Variants in RMDN2 observed in about 807,000 individuals in gnomAD.
RMDN2 encodes the protein regulator of microtubule dynamics 2.
A neutral mutation model predicts 52.8 loss-of-function variants in RMDN2; 61 were observed. That is an observed-to-expected ratio of 1.16 (90% CI 0.94 to 1.43). RMDN2 has a LOEUF of 1.43. Among genes scored for constraint, RMDN2 ranks in the 40% most tolerant of loss-of-function variants. The pLI, the probability that RMDN2 is intolerant of heterozygous loss-of-function variation, is 0.00. For missense variants in RMDN2, 592 were observed against 475.3 expected, an observed-to-expected ratio of 1.25 and a Z score of -2.28; for synonymous variants, 180 against 153.1, an observed-to-expected ratio of 1.18 and a Z score of -1.30.
chr2:38,031,206 T>C (rs113167056), intron 10 of RMDN2, among the ~76,000 whole-genome samples: 1 of 151,884 alleles, frequency 6.6e-6, no homozygotes, highest in African/African-American at 2.4e-5. Context: ...TTGCACATGA[T>C]GTTGGCCATT....
intron 2 of RMDN2, among the ~76,000 whole-genome samples, chr2:37,955,900 C>T (rs928704034): frequency 2.6e-5 from 4 of 152,148 alleles, no homozygotes; most frequent in Non-Finnish European, 5.9e-5. Context: ...GGAATAAATT[C>T]CATCTGGTTG....
chr2:38,016,873 A>G (rs1254821455), intron 10 of RMDN2, among the ~76,000 whole-genome samples: 2 of 152,196 alleles, frequency 1.3e-5, no homozygotes, highest in African/African-American at 2.4e-5. Flanking sequence ...AAGGAATTCA[A>G]TGAAATAAAC....
intron 2 of RMDN2, among the ~76,000 whole-genome samples, chr2:37,942,189 GC>G (rs1462837168): frequency 2.0e-5 from 3 of 152,130 alleles, no homozygotes; most frequent in Non-Finnish European, 4.4e-5. Context: ...CCTGGGTGAG[GC>G]GAAATCCCAC....
intron 4 of RMDN2, among the ~76,000 whole-genome samples, chr2:37,980,628 A>T (rs1673183318): frequency 1.3e-5 from 2 of 152,158 alleles, no homozygotes; most frequent in Non-Finnish European, 2.9e-5. Flanking sequence ...ACATGGTTAA[A>T]AATTCCTCTA....
chr2:37,964,590 G>C, intron 2 of RMDN2, among the ~76,000 whole-genome samples: 1 of 151,890 alleles, frequency 6.6e-6, no homozygotes, highest in Non-Finnish European at 1.5e-5. Flanking sequence ...GACTTATTTC[G>C]TGGCCTAATA....
At chr2:37,959,962 G>T (rs538751781) in intron 2 of RMDN2, among the ~76,000 whole-genome samples, 1 of 149,684 alleles carries the variant, frequency 6.7e-6, no homozygotes, top group Non-Finnish European at 1.5e-5. Flanking sequence ...AGTTTTGAGT[G>T]AGTTTCTTAA....
intron 10 of RMDN2, among the ~76,000 whole-genome samples, chr2:38,045,727 C>A (rs963782747): frequency 6.6e-6 from 1 of 152,204 alleles, no homozygotes; most frequent in Non-Finnish European, 1.5e-5. Context: ...CCTGGAGCTG[C>A]TCCCAGCTCT....
rs1666173937 is a variant in RMDN2 at position 37,925,329 on chromosome 2, CCCGCGGG to C, written c.-111_-105del. 6.6e-6 allele frequency: 1 copy of C among 152,248 alleles called. No individual in the cohort carries two copies. The highest frequency in any genetic ancestry group is 2.4e-5 in the African/African-American group (1 of 41,460). The allele number at this position is 152,248 out of a possible 1,614,324, so 9.4% of individuals were successfully genotyped here. A position where few individuals can be genotyped will look rare whatever the true frequency, so the allele number is the denominator to read the frequency against. On this transcript the variant is annotated 5_prime_UTR_variant, in exon 1 of 11. Transcript: ENST00000354545. ...ACGGCCGCGGCGCGGGACCTTAGGACCCGCGGGCTCCAGGGCTACTGTCCGTCCGCCA... is the reference window on the plus strand; with the variant it reads ...ACGGCCGCGGCGCGGGACCTTAGGACCTCCAGGGCTACTGTCCGTCCGCCA...
intron 10 of RMDN2, among the ~76,000 whole-genome samples, chr2:38,025,756 A>G (rs1289189236): frequency 1.3e-5 from 2 of 152,078 alleles, no homozygotes; most frequent in African/African-American, 4.8e-5. Flanking sequence ...ATGATGAATT[A>G]TATTTGAATT....
chr2:37,983,095 C>T (rs1050490610), intron 5 of RMDN2, among the ~76,000 whole-genome samples: 16 of 152,048 alleles, frequency 1.1e-4, no homozygotes, highest in Admixed American at 5.9e-4. Context: ...TCTCTTCTTT[C>T]TCTCCCTCGT....
chr2:37,955,291 C>T (rs1447733509), intron 2 of RMDN2, among the ~76,000 whole-genome samples: 1 of 152,096 alleles, frequency 6.6e-6, no homozygotes, highest in African/African-American at 2.4e-5. Flanking sequence ...AGAGAGCTTT[C>T]AGCCTTTCAC....
chr2:37,989,728 C>A, intron 6 of RMDN2, 112 bp downstream of exon 6: 1 of 641,476 alleles, frequency 1.6e-6, no homozygotes. Flanking sequence ...TGGGTATAAA[C>A]CAGATTATTC....
intron 2 of RMDN2, chr2:37,951,295 C>G (rs565578847): frequency 6.2e-6 from 10 of 1,612,276 alleles, no homozygotes; most frequent in South Asian, 1.1e-5. Flanking sequence ...AGTACAGACG[C>G]CCAGCATCGT....
chr2:38,002,979 C>G (rs1356663665), intron 8 of RMDN2: 1 of 152,194 alleles, frequency 6.6e-6, no homozygotes, highest in East Asian at 1.9e-4. Context: ...TGTCTAGTGA[C>G]AATACCATAC....
At chr2:37,975,547 G>C (rs1672357097) in intron 4 of RMDN2, among the ~76,000 whole-genome samples, 1 of 152,140 alleles carries the variant, frequency 6.6e-6, no homozygotes, top group Non-Finnish European at 1.5e-5. Flanking sequence ...TCACACAACA[G>C]GGCCTGTCTT....
Position 37,980,327 on chromosome 2 carries a change from A to G in RMDN2, c.731-956A>G, listed in dbSNP as rs556367663. On this transcript the variant is annotated intron_variant, in intron 4 of 10. Transcript: ENST00000354545. ...TTTTTGGTTTTTTTTTATTTGAGAC[A>G]GAGTCTCGCTCTGTCCCCCAGGCTG... Among the ~76,000 whole-genome samples, 412 of 152,200 alleles carry G rather than the reference A, an allele frequency of 2.7e-3. 3 individuals carry two copies. Among genetic ancestry groups the G allele is most frequent in the Non-Finnish European group, 4.8e-3 (323 of 67,998 alleles).
chr2:37,963,313 GTTTCT>G (rs1670519981), intron 2 of RMDN2: 2 of 72,168 alleles, frequency 2.8e-5, no homozygotes, highest in African/African-American at 1.0e-4. Flanking sequence ...ATACACGTGA[GTTTCT>G]TTTTTTTTTT....
intron 8 of RMDN2, among the ~76,000 whole-genome samples, chr2:38,003,604 G>GGCAGA (rs1306774545): frequency 1.4e-4 from 14 of 103,244 alleles, no homozygotes; most frequent in East Asian, 3.2e-4. Context: ...AGATAGATAG[G>GGCAGA]CAGACAGACA....
intron 10 of RMDN2, among the ~76,000 whole-genome samples, chr2:38,035,523 A>C (rs1168383343): frequency 1.3e-5 from 2 of 152,230 alleles, no homozygotes; most frequent in Non-Finnish European, 2.9e-5. Context: ...AATACCTACC[A>C]GATAAGAAAA....
Sources: allele counts gnomAD v4.1 joint callset (sites outside exome capture counted in the v4.1 genomes callset), GRCh38; gene constraint gnomAD v4.1.1; transcripts MANE v1.5; gene names NCBI Gene and HGNC (gene_info 2026-07-23, HGNC 2026-07-21).